SKIL: variants seen among roughly 807,000 people sequenced by gnomAD.
SKIL encodes the protein SKI like proto-oncogene, also known as ski-like protein.
In SKIL, 20 loss-of-function variants were observed where a neutral mutation model predicts 69.6. The observed-to-expected ratio is 0.29, with a 90% CI of 0.20 to 0.42. The LOEUF is 0.42. Among genes scored for constraint, SKIL ranks in the 10% least tolerant of loss-of-function variants. The pLI, the probability that SKIL is intolerant of heterozygous loss-of-function variation, is 1.00. For synonymous variants in SKIL, 310 were observed against 279.9 expected (o/e 1.11, Z -1.08); for missense variants, 745 against 783.1 (o/e 0.95, Z 0.58).
chr3:170,381,941 G>A (rs999787260), intron 3 of SKIL, among the ~76,000 whole-genome samples: 1 of 151,812 alleles, frequency 6.6e-6, no homozygotes, highest in Non-Finnish European at 1.5e-5. Flanking sequence ...AATTAGCCGG[G>A]CCTGGTGGCG....
At chr3:170,381,496 G>T (rs964501513) in intron 3 of SKIL, among the ~76,000 whole-genome samples, 155 bp downstream of exon 3, 3 of 151,958 alleles carry the variant, frequency 2.0e-5, no homozygotes, top group Admixed American at 6.6e-5. Flanking sequence ...GCAGTGGCGC[G>T]ATCTCGTCTC....
At chr3:170,389,439 G>A (rs1000551969) in intron 4 of SKIL, among the ~76,000 whole-genome samples, 7 of 150,600 alleles carry the variant, frequency 4.6e-5, no homozygotes, top group East Asian at 2.0e-4. Flanking sequence ...TCAGCCTCCC[G>A]AGTAGCTGGG....
At position 170,391,100 on chromosome 3, in the gene SKIL, A is replaced by C. The variant is rs1211405305; in HGVS notation, c.1736A>C (p.Gln579Pro). ...CTCACTGAAGAACAGCAGAATTTAC[A>C]GAAAGAGCTTGAATCTTTGCAGAAT... ...KELTEEQQNLQKELESLQNEH... is the reference protein window; with the variant it reads ...KELTEEQQNLPKELESLQNEH... Residue 579 changes from glutamine (Q) to proline (P), a missense_variant, in exon 6 of 7, where the codon CAG (glutamine) becomes CCG (proline). By Grantham distance (76) the Gln-to-Pro change is moderately conservative. Coordinates refer to ENST00000259119, the MANE Select transcript of SKIL (RefSeq NM_005414.5). The C allele has an allele frequency of 1.2e-6, 2 of 1,611,098 alleles. No individual in the cohort carries two copies.
Position 170,357,742 on chromosome 3 carries a change from ACGGCGGCGG to A in SKIL, c.-648_-640del, listed in dbSNP as rs542866555. ...AGCCGAAGGGAGCGGGCGAGCGGCG[ACGGCGGCGG>A]CGGCGGGCACAGGTGCGGCTCCGGC... On this transcript the variant is annotated 5_prime_UTR_variant, in exon 1 of 7. Transcript: ENST00000259119. 1 of 162,722 alleles carries A rather than the reference ACGGCGGCGG, an allele frequency of 6.1e-6. No homozygotes were observed. The highest frequency in any genetic ancestry group is 1.3e-5 in the Non-Finnish European group (1 of 78,438). 10.1% of individuals were successfully genotyped at this position (162,722 alleles called of 1,614,324 possible).
chr3:170,396,048 G>C lies in SKIL; in HGVS notation c.*3631G>C, dbSNP rs1738168669. The C allele has an allele frequency of 6.9e-6, 1 of 145,774 alleles. No homozygotes were observed. Among genetic ancestry groups the C allele is most frequent in the Non-Finnish European group, 1.5e-5 (1 of 66,952 alleles). The allele number at this position is 145,774 out of a possible 1,614,324, so 9.0% of individuals were successfully genotyped here. A position where few individuals can be genotyped will look rare whatever the true frequency, so the allele number is the denominator to read the frequency against. ...TTTTGTAAATCCATTCATTGAAATG[G>C]TTTCTAAACTGTATAATGTAATTTG... On this transcript the variant is annotated 3_prime_UTR_variant, in exon 7 of 7. Coordinates refer to ENST00000259119, the MANE Select transcript of SKIL (RefSeq NM_005414.5).
chr3:170,379,478 G>GCC (rs1334216608), intron 2 of SKIL, among the ~76,000 whole-genome samples: 1 of 59,138 alleles, frequency 1.7e-5, no homozygotes, highest in Admixed American at 2.1e-4. Context: ...AGTGAGTCTT[G>GCC]CCCCCCCTTT....
chr3:170,381,375 C>A, intron 3 of SKIL, 34 bp downstream of exon 3: 1 of 981,450 alleles, frequency 1.0e-6, no homozygotes, highest in Non-Finnish European at 1.7e-6. Flanking sequence ...TTTGTTCATT[C>A]ATTTCTTCAT....
intron 3 of SKIL, among the ~76,000 whole-genome samples, chr3:170,383,116 G>A (rs777409108): frequency 6.6e-6 from 1 of 152,110 alleles, no homozygotes; most frequent in Non-Finnish European, 1.5e-5. Context: ...TTCAATAAAT[G>A]TTCACCCTAG....
At chr3:170,376,063 T>A (rs1279091107) in intron 2 of SKIL, among the ~76,000 whole-genome samples, 1 of 149,072 alleles carries the variant, frequency 6.7e-6, no homozygotes, top group Non-Finnish European at 1.5e-5. Flanking sequence ...TTTTTTTTTT[T>A]TTGAGACGGA....
intron 2 of SKIL, among the ~76,000 whole-genome samples, chr3:170,372,619 T>A (rs1350998435): frequency 6.6e-6 from 1 of 152,208 alleles, no homozygotes; most frequent in Non-Finnish European, 1.5e-5. Context: ...ACTGAGGGAT[T>A]CTGTTTCTTT....
chr3:170,361,226 G>T lies in SKIL; in HGVS notation c.895G>T (p.Ala299Ser), dbSNP rs753809405. 6.2e-7 allele frequency: 1 copy of T among 1,614,116 alleles called. No homozygotes were observed. Among genetic ancestry groups the T allele is most frequent in the Non-Finnish European group, 8.5e-7 (1 of 1,180,002 alleles). ...IQCLECCGMF[A>S]PQTFVMHSHR... ...ATGTCTGGAGTGTTGTGGAATGTTTGCACCCCAGACGTTTGTGATGCATTC... is the reference window on the plus strand; with the variant it reads ...ATGTCTGGAGTGTTGTGGAATGTTTTCACCCCAGACGTTTGTGATGCATTC... The change falls in exon 2 of 7, where the codon GCA becomes TCA. Residue 299 changes from alanine (A) to serine (S), a missense_variant. Physicochemically the swap from Ala to Ser is moderately conservative, Grantham distance 99 (BLOSUM62 1). Coordinates refer to ENST00000259119, the MANE Select transcript of SKIL (RefSeq NM_005414.5).
intron 3 of SKIL, among the ~76,000 whole-genome samples, chr3:170,383,974 G>A (rs557153454): frequency 1.3e-5 from 2 of 151,720 alleles, no homozygotes; most frequent in South Asian, 4.2e-4. Flanking sequence ...GTGGTTTTGA[G>A]GGAAGGAGAA....
intron 2 of SKIL, among the ~76,000 whole-genome samples, chr3:170,378,551 C>CTT (rs1381200767): frequency 2.1e-5 from 1 of 48,574 alleles, no homozygotes; most frequent in East Asian, 7.9e-4. Context: ...CTCTCTCTCT[C>CTT]TCTTTTTTTT....
chr3:170,373,749 G>A (rs1434871258), intron 2 of SKIL, among the ~76,000 whole-genome samples: 2 of 152,182 alleles, frequency 1.3e-5, no homozygotes, highest in African/African-American at 2.4e-5. Context: ...AAATTAGTCA[G>A]GCTTGGTGGC....
At chr3:170,369,569 T>G (rs1736698865) in intron 2 of SKIL, among the ~76,000 whole-genome samples, 2 of 152,022 alleles carry the variant, frequency 1.3e-5, no homozygotes, top group Non-Finnish European at 2.9e-5. Flanking sequence ...AGCTGGCTAA[T>G]TTTTGTATTT....
At chr3:170,362,498 CAAAAA>C (rs1374012081) in intron 2 of SKIL, among the ~76,000 whole-genome samples, 1 of 147,710 alleles carries the variant, frequency 6.8e-6, no homozygotes, top group Non-Finnish European at 1.5e-5. Context: ...GAAACTCCAT[CAAAAA>C]ACAAAACAAA....
Position 170,380,654 on chromosome 3 carries a change from A to AT in SKIL, c.1099-590_1099-589insT, listed in dbSNP as rs879557793. Among the ~76,000 whole-genome samples the AT allele has an allele frequency of 8.2e-4, 124 of 152,084 alleles. No individual in the cohort carries two copies. The Middle Eastern group carries it at 0.01, about 13-fold the overall frequency. ...CGAGACTCCATCTCAAAAAAAAAAA[A>AT]AAAATAAATAAATAAAATAGATTTC... On this transcript the variant is annotated intron_variant, in intron 2 of 6. Coordinates refer to ENST00000259119, the MANE Select transcript of SKIL (RefSeq NM_005414.5).
chr3:170,375,809 G>A (rs1434173463), intron 2 of SKIL, among the ~76,000 whole-genome samples: 2 of 151,926 alleles, frequency 1.3e-5, no homozygotes, highest in Non-Finnish European at 2.9e-5. Context: ...CGAACTGCTG[G>A]ACTCAAGCAG....
At chr3:170,373,883 GA>G (rs991874664) in intron 2 of SKIL, among the ~76,000 whole-genome samples, 8 of 148,972 alleles carry the variant, frequency 5.4e-5, no homozygotes, top group Admixed American at 2.0e-4. Flanking sequence ...TGTCTCAAGG[GA>G]AAAAAAAAAT....
Sources: allele counts gnomAD v4.1 joint callset (sites outside exome capture counted in the v4.1 genomes callset), GRCh38; gene constraint gnomAD v4.1.1; transcripts MANE v1.5; gene names NCBI Gene and HGNC (gene_info 2026-07-23, HGNC 2026-07-21).